HDAC5: variants seen among roughly 807,000 people sequenced by gnomAD.
HDAC5 encodes antigen NY-CO-9.
Under a neutral mutation model 133.3 loss-of-function variants are expected in HDAC5, and 25 were observed. The observed-to-expected ratio is 0.19, with a 90% confidence interval of 0.14 to 0.26. HDAC5 has a LOEUF of 0.26. Ranked by LOEUF, HDAC5 falls within the 10% of genes least tolerant of loss-of-function variation. HDAC5 has a pLI of 1.00. For missense variants in HDAC5, 1,041 were observed against 1,460.5 expected, an observed-to-expected ratio of 0.71 and a Z score of 4.68; for synonymous variants, 589 against 610.8, an observed-to-expected ratio of 0.96 and a Z score of 0.53.
rs1438844500 is a variant in HDAC5, at chr17:44,076,914, G to A, written c.*1462C>T. 7 of 157,926 alleles carry A rather than the reference G, an allele frequency of 4.4e-5. No individual in the cohort carries two copies. Among genetic ancestry groups the A allele is most frequent in the Admixed American group, 3.0e-4 (5 of 16,492 alleles). The allele number at this position is 157,926 out of a possible 1,614,324, so 9.8% of individuals were successfully genotyped here. On this transcript the variant is annotated 3_prime_UTR_variant, in exon 27 of 27. Transcript: ENST00000682912. ...AGTGGGTAAGGGGCCGGGAGCCTGG[G>A]GCTCAGCACAGAGAGGCCTAGTACA...
At chr17:44,084,819 A>C in intron 15 of HDAC5, 144 bp from the exon 16 acceptor site, 1 of 1,295,600 alleles carries the variant, frequency 7.7e-7, no homozygotes, top group Non-Finnish European at 1.1e-6. Flanking sequence ...CTCTGTCATG[A>C]CCTTACTCCC....
rs1335642206 is a variant in HDAC5, at chr17:44,077,415, C to G, written c.*961G>C. 6.6e-6 allele frequency: 1 copy of G among 152,326 alleles called. No individual in the cohort carries two copies. The highest frequency in any genetic ancestry group is 1.5e-5 in the Non-Finnish European group (1 of 68,140). The allele number at this position is 152,326 out of a possible 1,614,324, so 9.4% of individuals were successfully genotyped here. ...TCTAGAACCTCCATTCTCACCATCC[C>G]CAGGATCCAAAACAAAAGGCCCCAG... On this transcript the variant is annotated 3_prime_UTR_variant, in exon 27 of 27. Coordinates refer to ENST00000682912, the MANE Select transcript of HDAC5 (RefSeq NM_005474.5).
rs762033682 is a variant in HDAC5 at position 44,078,213 on chromosome 17, T to C, written c.*163A>G. 5.8e-5 allele frequency: 36 copies of C among 625,452 alleles called. No individual in the cohort carries two copies. The highest frequency in any genetic ancestry group is 9.0e-5 in the Non-Finnish European group (35 of 390,548). The allele number at this position is 625,452 out of a possible 1,614,324, so 38.7% of individuals were successfully genotyped here. On this transcript the variant is annotated 3_prime_UTR_variant, in exon 27 of 27. Transcript: ENST00000682912. ...AGGGAGCAGGCTTCTAGAGCTGAGG[T>C]GGAAGCCACAGGGCTGGGGGCCTGA...
Position 44,117,665 on chromosome 17 carries a change from T to C in HDAC5, c.-150A>G. On this transcript the variant is annotated 5_prime_UTR_variant, in exon 2 of 27. It removes an upstream start codon present in the reference 5' UTR. Coordinates refer to ENST00000682912, the MANE Select transcript of HDAC5 (RefSeq NM_005474.5). The surrounding 1 kb of genome is among the most constrained non-coding windows in gnomAD (Gnocchi z 4.2). ...TGCCTCTAATGCCCATCCGAGGCCA[T>C]CCTTCGGGGCGAGGCAGTCAGGCAC... The C allele has an allele frequency of 1.2e-6, 1 of 815,360 alleles. No homozygotes were observed. Among genetic ancestry groups the C allele is most frequent in the South Asian group, 1.4e-5 (1 of 69,190 alleles). The allele number at this position is 815,360 out of a possible 1,614,324, so 50.5% of individuals were successfully genotyped here.
At chr17:44,080,352 G>C in intron 22 of HDAC5, 49 bp downstream of exon 22, 1 of 1,588,004 alleles carries the variant, frequency 6.3e-7, no homozygotes, top group Non-Finnish European at 8.6e-7. Context: ...TCCCACTGCA[G>C]GGCCCAGAGG....
chr17:44,086,441 G>A, intron 14 of HDAC5, 131 bp downstream of exon 14: 3 of 655,674 alleles, frequency 4.6e-6, no homozygotes, highest in Admixed American at 4.4e-5. Flanking sequence ...GGGAGAGAAC[G>A]AAGGCCTGTG....
intron 5 of HDAC5, 52 bp downstream of exon 5, chr17:44,093,262 G>A (rs2051052562): frequency 1.3e-6 from 2 of 1,584,682 alleles, no homozygotes; most frequent in South Asian, 1.1e-5. Context: ...CCCATGGCAG[G>A]GGCAGGCATC....
At chr17:44,095,167 A>G (rs2051189414) in intron 3 of HDAC5, among the ~76,000 whole-genome samples, 1 of 152,186 alleles carries the variant, frequency 6.6e-6, no homozygotes, top group Non-Finnish European at 1.5e-5. Flanking sequence ...TATCACAGTT[A>G]CCCTATGACT....
intron 10 of HDAC5, 40 bp from the exon 11 acceptor site, chr17:44,091,532 G>C (rs754337740): frequency 6.6e-7 from 1 of 1,519,660 alleles, no homozygotes; most frequent in South Asian, 1.3e-5. Flanking sequence ...CCTCAGTCCT[G>C]CCAACTTTGG....
intron 3 of HDAC5, among the ~76,000 whole-genome samples, chr17:44,102,769 C>A (rs1249107575): frequency 6.9e-6 from 1 of 144,146 alleles, no homozygotes; most frequent in Non-Finnish European, 1.5e-5. Flanking sequence ...TGGGTTCAAG[C>A]GATTCTCCTG....
At chr17:44,085,309 C>G (rs2050593508) in intron 14 of HDAC5, 154 bp from the exon 15 acceptor site, 1 of 595,598 alleles carries the variant, frequency 1.7e-6, no homozygotes, top group Non-Finnish European at 2.6e-6. Context: ...CACAAACCTG[C>G]CCCCTCTCCT....
chr17:44,097,202 A>G (rs228749), intron 3 of HDAC5, among the ~76,000 whole-genome samples: 105,664 of 152,254 alleles, frequency 0.69, 37,584 homozygotes, highest in South Asian at 0.88. Context: ...CATGCCACCC[A>G]CATGCCTGGA....
rs1335408612 is a variant in HDAC5 at position 44,088,264 on chromosome 17, C to T, written c.1599+123G>A. On this transcript the variant is annotated intron_variant, in intron 12 of 26. Transcript: ENST00000682912. ...CTGACCTCAGGCGATCTGCCCACCTCGGCCTCCCAATCAGGCGCGAGCCAC... is the reference window on the plus strand; with the variant it reads ...CTGACCTCAGGCGATCTGCCCACCTTGGCCTCCCAATCAGGCGCGAGCCAC... 10 of 1,419,132 alleles carry T rather than the reference C, an allele frequency of 7.0e-6. No individual in the cohort carries two copies. In the Admixed American group the frequency reaches 1.9e-4, roughly 26 times the overall value. The allele number at this position is 1,419,132 out of a possible 1,614,324, so 87.9% of individuals were successfully genotyped here. A position where few individuals can be genotyped will look rare whatever the true frequency, so the allele number is the denominator to read the frequency against.
rs374153500 is a variant in HDAC5 at position 44,093,707 on chromosome 17, C to T, written c.222G>A (p.Gln74=). 1.2e-6 allele frequency: 2 copies of T among 1,606,284 alleles called. No individual in the cohort carries two copies. The highest frequency in any genetic ancestry group is 2.7e-5 in the African/African-American group (2 of 74,834). ...GCGCCAGGAGCTCCTGCTGCAGTTG[C>T]TGCTCCCGCAGTGTGGGGTCCACAG... ...VGSVDPTLRE[Q]QLQQELLALK... is the part of the protein sequence containing the mutation. The change falls in exon 4 of 27, where the codon CAG becomes CAA. Residue 74 remains glutamine (Q), a synonymous_variant. Coordinates refer to ENST00000682912, the MANE Select transcript of HDAC5 (RefSeq NM_005474.5).
intron 6 of HDAC5, 126 bp from the exon 7 acceptor site, chr17:44,092,932 G>A: frequency 1.5e-6 from 1 of 656,222 alleles, no homozygotes; most frequent in Admixed American, 3.1e-5. Context: ...TGGATCTTGG[G>A]GAAGGAATGA....
intron 19 of HDAC5, 44 bp from the exon 20 acceptor site, chr17:44,082,716 G>C (rs777721425): frequency 1.2e-6 from 2 of 1,610,584 alleles, no homozygotes; most frequent in Admixed American, 3.4e-5. Context: ...TCAGCATGAC[G>C]TTTGCAAGAG....
intron 13 of HDAC5, among the ~76,000 whole-genome samples, chr17:44,087,043 T>C (rs1430120956): frequency 6.6e-6 from 1 of 150,634 alleles, no homozygotes; most frequent in African/African-American, 2.4e-5. Flanking sequence ...GTGTCCGCAA[T>C]GAATGGAGTG....
chr17:44,079,590 AG>A (rs2050284469), intron 23 of HDAC5, among the ~76,000 whole-genome samples: 1 of 142,860 alleles, frequency 7.0e-6, no homozygotes, highest in South Asian at 2.4e-4. Context: ...CAGTGAGCCG[AG>A]ATCACGCCAT....
chr17:44,113,531 C>T (rs979086823), intron 2 of HDAC5, among the ~76,000 whole-genome samples: 3 of 152,180 alleles, frequency 2.0e-5, no homozygotes, highest in Admixed American at 6.5e-5. Context: ...TAACTTCAAT[C>T]CTTCATGCTT....
Sources: allele counts gnomAD v4.1 joint callset (sites outside exome capture counted in the v4.1 genomes callset), GRCh38; gene constraint gnomAD v4.1.1; non-coding constraint Gnocchi (gnomAD v3.1); transcripts MANE v1.5; gene names NCBI Gene and HGNC (gene_info 2026-07-23, HGNC 2026-07-21).